Variants in MAGI2 observed in about 807,000 individuals in gnomAD.
MAGI2 encodes membrane associated guanylate kinase, WW and PDZ domain containing 2.
MAGI2 carries 35 observed loss-of-function variants against 133.3 expected under a neutral mutation model. The observed-to-expected ratio is 0.26, with a 90% CI of 0.20 to 0.35. The LOEUF (loss-of-function observed/expected upper bound fraction) is 0.35, where lower values mean the gene tolerates loss of function less well. Among genes scored for constraint, MAGI2 ranks in the 10% least tolerant of loss-of-function variants. MAGI2 has a pLI of 1.00. For missense variants in MAGI2, 1,636 were observed against 1,863.4 expected (o/e 0.88, Z 2.25); for synonymous variants, 729 against 710.6 (o/e 1.03, Z -0.41).
intron 2 of MAGI2, among the ~76,000 whole-genome samples, chr7:78,633,957 A>G (rs1470544200): frequency 2.0e-5 from 3 of 152,234 alleles, no homozygotes; most frequent in Admixed American, 6.5e-5. Flanking sequence ...ACTTTTAAGT[A>G]ATATTAATAG....
At chr7:79,228,279 G>A (rs1258083708) in intron 1 of MAGI2, among the ~76,000 whole-genome samples, 2 of 140,394 alleles carry the variant, frequency 1.4e-5, no homozygotes, top group African/African-American at 5.2e-5. Context: ...GGAGTTCAAG[G>A]TTGCAGTGAA....
intron 1 of MAGI2, among the ~76,000 whole-genome samples, chr7:79,103,677 T>TTATA (rs1451720180): frequency 1.3e-5 from 2 of 151,636 alleles, no homozygotes; most frequent in African/African-American, 4.8e-5. Flanking sequence ...TGGCAGCATT[T>TTATA]TATTTATTTA....
At chr7:78,950,969 CTTT>C (rs761908445) in intron 2 of MAGI2, among the ~76,000 whole-genome samples, 1 of 125,630 alleles carries the variant, frequency 8.0e-6, no homozygotes, top group African/African-American at 3.0e-5. Context: ...CTAACGTTAG[CTTT>C]TTTTTTTTTT....
intron 1 of MAGI2, among the ~76,000 whole-genome samples, chr7:79,277,218 C>T (rs1429787007): frequency 6.6e-6 from 1 of 152,150 alleles, no homozygotes; most frequent in Non-Finnish European, 1.5e-5. Context: ...GATGAGTCAG[C>T]AGCCATCAAT....
At chr7:79,129,657 A>G (rs1562922460) in intron 1 of MAGI2, among the ~76,000 whole-genome samples, 1 of 152,214 alleles carries the variant, frequency 6.6e-6, no homozygotes, top group East Asian at 1.9e-4. Flanking sequence ...TTTAAATACG[A>G]TGCTTGCAGA....
At chr7:78,300,951 T>C (rs1053923844) in intron 9 of MAGI2, among the ~76,000 whole-genome samples, 4 of 152,128 alleles carry the variant, frequency 2.6e-5, no homozygotes, top group Non-Finnish European at 5.9e-5. Flanking sequence ...ACATATTGAG[T>C]CTGGCACTGT....
At chr7:79,135,118 G>C (rs1326173226) in intron 1 of MAGI2, among the ~76,000 whole-genome samples, 1 of 152,156 alleles carries the variant, frequency 6.6e-6, no homozygotes, top group Non-Finnish European at 1.5e-5. Context: ...GGTATCAGGT[G>C]GTGTGACTAT....
chr7:78,097,495 G>A (rs928525168), intron 20 of MAGI2, among the ~76,000 whole-genome samples: 7 of 152,178 alleles, frequency 4.6e-5, no homozygotes, highest in Non-Finnish European at 7.4e-5. Context: ...AAAAAAGAAT[G>A]AGATCATGTC....
intron 1 of MAGI2, among the ~76,000 whole-genome samples, chr7:79,151,070 C>T (rs748909892): frequency 8.6e-5 from 13 of 151,946 alleles, no homozygotes; most frequent in Non-Finnish European, 1.5e-4. Flanking sequence ...AACATGTTAG[C>T]TTCCTCAGTG....
chr7:79,413,133 C>T (rs1482199842), intron 1 of MAGI2: 1 of 152,150 alleles, frequency 6.6e-6, no homozygotes, highest in Non-Finnish European at 1.5e-5. Flanking sequence ...TCCGATCTTT[C>T]ATGCTCATGC....
intron 7 of MAGI2, among the ~76,000 whole-genome samples, chr7:78,356,390 G>A (rs772880488): frequency 5.3e-5 from 8 of 152,154 alleles, no homozygotes; most frequent in Admixed American, 1.3e-4. Context: ...GATAGGAGGA[G>A]TAAGTTCTGG....
At chr7:78,203,952 C>T (rs1829500516) in intron 10 of MAGI2, among the ~76,000 whole-genome samples, 3 of 152,086 alleles carry the variant, frequency 2.0e-5, no homozygotes, top group African/African-American at 7.2e-5. Context: ...GATGGCCCCT[C>T]TAGGAAATCT....
chr7:79,395,757 G>T (rs918727244), intron 1 of MAGI2, among the ~76,000 whole-genome samples: 1 of 152,016 alleles, frequency 6.6e-6, no homozygotes, highest in Non-Finnish European at 1.5e-5. Flanking sequence ...GTGATTTTAT[G>T]ACACCTGCAG....
chr7:78,949,218 A>G (rs767107914), intron 2 of MAGI2, among the ~76,000 whole-genome samples: 3 of 152,172 alleles, frequency 2.0e-5, no homozygotes, highest in Non-Finnish European at 4.4e-5. Context: ...TTGCTTTACA[A>G]TTATTTAGAA....
intron 9 of MAGI2, among the ~76,000 whole-genome samples, chr7:78,295,697 C>T (rs753671641): frequency 1.2e-4 from 18 of 152,166 alleles, no homozygotes; most frequent in Non-Finnish European, 2.1e-4. Flanking sequence ...ATAATCTCAT[C>T]CGATCCCATG....
rs1404416864 is a variant in MAGI2 at position 79,146,824 on chromosome 7, C to CA, written c.302-139619dup. 9.2e-5 allele frequency among the ~76,000 whole-genome samples: 14 copies of CA among 152,340 alleles called. 1 individual carries two copies. The highest frequency in any genetic ancestry group is 3.4e-4 in the African/African-American group (14 of 41,572). ...TTGGCAGTGTGAGAACAGGCTAACA[C>CA]AATGGATAATGTCTTTTCCATCTAA... On this transcript the variant is annotated intron_variant, in intron 1 of 21. Transcript: ENST00000354212.
At chr7:78,102,057 T>C (rs948459308) in intron 20 of MAGI2, among the ~76,000 whole-genome samples, 36 of 152,244 alleles carry the variant, frequency 2.4e-4, no homozygotes, top group African/African-American at 8.7e-4. Flanking sequence ...TTTGTGACAA[T>C]GTGAATGAAC....
intron 2 of MAGI2, among the ~76,000 whole-genome samples, chr7:78,852,854 A>G (rs1322989657): frequency 1.3e-5 from 2 of 152,154 alleles, no homozygotes; most frequent in Non-Finnish European, 2.9e-5. Flanking sequence ...TTTGATTTGG[A>G]TTATAGTCAG....
At chr7:78,427,304 G>A (rs556738993) in intron 6 of MAGI2, among the ~76,000 whole-genome samples, 1 of 151,902 alleles carries the variant, frequency 6.6e-6, no homozygotes, top group East Asian at 1.9e-4. Context: ...ATATTACCAG[G>A]CTGGATAAAA....
Sources: gnomAD v4.1 joint callset for allele counts (sites outside exome capture counted in the v4.1 genomes callset) on GRCh38, gnomAD v4.1.1 for gene constraint, MANE v1.5 for transcripts, NCBI Gene and HGNC (gene_info 2026-07-23, HGNC 2026-07-21) for gene names.